The following PNKD variants were observed in gnomAD, a reference collection of about 807,000 sequenced individuals.
The protein encoded by PNKD is PNKD metallo-beta-lactamase domain containing.
In PNKD, 36 loss-of-function variants were observed where a neutral mutation model predicts 45.3. That is an observed-to-expected ratio of 0.80 (90% CI 0.61 to 1.05). The LOEUF (loss-of-function observed/expected upper bound fraction) is 1.05, where lower values mean the gene tolerates loss of function less well. PNKD is among the 50% of genes least tolerant of loss of function. The probability of loss-of-function intolerance (pLI) is 0.00; values close to 1 mark genes in which losing one functional copy is unlikely to be tolerated. For synonymous variants in PNKD, 197 were observed against 210.1 expected, an observed-to-expected ratio of 0.94 and a Z score of 0.54; for missense variants, 511 against 506.6, an observed-to-expected ratio of 1.01 and a Z score of -0.08.
intron 2 of PNKD, chr2:218,277,718 G>C: frequency 6.2e-7 from 1 of 1,612,406 alleles, no homozygotes; most frequent in Non-Finnish European, 8.5e-7. Context: ...AAGGAAGGAA[G>C]GCAGGGTGCT....
At chr2:218,272,447 T>C (rs531086907) in intron 2 of PNKD, 94 of 880,324 alleles carry the variant, frequency 1.1e-4, no homozygotes, top group Non-Finnish European at 9.2e-5. Context: ...GCACAGAGGA[T>C]GAATAGACTA....
intron 1 of PNKD, 35 bp from the exon 2 acceptor site, chr2:218,271,346 C>T (rs763352718): frequency 1.2e-6 from 2 of 1,604,742 alleles, no homozygotes; most frequent in Non-Finnish European, 1.7e-6. Flanking sequence ...TTCTTCTCAT[C>T]TCTTCTTACT....
chr2:218,277,052 C>G (rs1371552477), intron 2 of PNKD: 1 of 1,614,184 alleles, frequency 6.2e-7, no homozygotes, highest in Non-Finnish European at 8.5e-7. Context: ...TCACCAGGAG[C>G]ACAATTCCCA....
intron 5 of PNKD, among the ~76,000 whole-genome samples, chr2:218,341,056 G>A (rs1411733617): frequency 6.6e-6 from 1 of 152,226 alleles, no homozygotes; most frequent in Non-Finnish European, 1.5e-5. Context: ...TGCACACTGG[G>A]CATGGACAAA....
At chr2:218,318,569 G>A (rs1268186163) in intron 2 of PNKD, among the ~76,000 whole-genome samples, 1 of 152,220 alleles carries the variant, frequency 6.6e-6, no homozygotes, top group African/African-American at 2.4e-5. Context: ...CAGTCACAGT[G>A]CTTGGTGGCA....
rs1015329863 is a variant in PNKD, at chr2:218,289,290, C to G, written c.236+17741C>G. On this transcript the variant is annotated intron_variant, in intron 2 of 9. Coordinates refer to ENST00000273077, the MANE Select transcript of PNKD (RefSeq NM_015488.5). Reference sequence around the variant, plus strand: ...TCTTGTCCTGGCTTTGGGACTCACTCCACTGTGAGAGCCACATCTCTAGAC... The same window carrying G: ...TCTTGTCCTGGCTTTGGGACTCACTGCACTGTGAGAGCCACATCTCTAGAC... 6.6e-5 allele frequency among the ~76,000 whole-genome samples: 10 copies of G among 152,312 alleles called. No individual in the cohort carries two copies. The South Asian group carries it at 1.2e-3, about 19-fold the overall frequency.
chr2:218,334,249 A>G (rs1240846052), intron 2 of PNKD, among the ~76,000 whole-genome samples: 1 of 152,118 alleles, frequency 6.6e-6, no homozygotes, highest in Non-Finnish European at 1.5e-5. Flanking sequence ...ATCAAAACCA[A>G]GAAATTAACA....
Position 218,307,329 on chromosome 2 carries a change from A to ATT in PNKD, c.237-32454_237-32453insTT, listed in dbSNP as rs1167990440. On this transcript the variant is annotated intron_variant, in intron 2 of 9. Coordinates refer to ENST00000273077, the MANE Select transcript of PNKD (RefSeq NM_015488.5). Reference sequence around the variant, plus strand: ...TTATTATTACATTGTAATATATAATAAAATAATCATACAACTCACCATAAG... The same window carrying ATT: ...TTATTATTACATTGTAATATATAATATTAAATAATCATACAACTCACCATAAG... 7.4e-4 allele frequency among the ~76,000 whole-genome samples: 113 copies of ATT among 152,346 alleles called. 2 individuals are homozygous for ATT. In the East Asian group the frequency reaches 0.014, roughly 19 times the overall value.
intron 2 of PNKD, chr2:218,272,869 G>C: frequency 1.3e-6 from 2 of 1,599,556 alleles, no homozygotes; most frequent in Non-Finnish European, 1.7e-6. Context: ...AGCCCAGGCT[G>C]TTGCCAAACC....
intron 7 of PNKD, among the ~76,000 whole-genome samples, chr2:218,343,244 C>G (rs527814697): frequency 9.9e-5 from 15 of 152,272 alleles, no homozygotes; most frequent in Non-Finnish European, 1.8e-4. Context: ...GCCTGCAGCC[C>G]GAAGATTCCA....
chr2:218,283,011 G>A (rs1015871867), intron 2 of PNKD, among the ~76,000 whole-genome samples: 5 of 152,182 alleles, frequency 3.3e-5, no homozygotes, highest in Non-Finnish European at 5.9e-5. Context: ...CCCCCACCCT[G>A]GAGGGGGAGA....
At chr2:218,293,927 TAAAA>T (rs56100300) in intron 2 of PNKD, among the ~76,000 whole-genome samples, 92 of 118,864 alleles carry the variant, frequency 7.7e-4, no homozygotes, top group African/African-American at 2.6e-3. Flanking sequence ...AACAGAGATT[TAAAA>T]AAAAAAAAAA....
At chr2:218,291,465 G>A (rs1692922421) in intron 2 of PNKD, among the ~76,000 whole-genome samples, 1 of 152,178 alleles carries the variant, frequency 6.6e-6, no homozygotes, top group South Asian at 2.1e-4. Context: ...TCAGAGCCCA[G>A]AGAACTGGAC....
In PNKD at chr2:218,340,525, C is replaced by G. The variant is rs558184037; in HGVS notation, c.466-203C>G. On this transcript the variant is annotated intron_variant, in intron 4 of 9. Transcript: ENST00000273077. This position sits in a 1 kb window ranked among gnomAD's most constrained non-coding sequence, Gnocchi z 4.2. ...TCCTTATCTCTCTGTGTCTGCCTCT[C>G]TCTATGTACAAGTGTCCCTCTGCCT... 9.9e-5 allele frequency among the ~76,000 whole-genome samples: 15 copies of G among 152,184 alleles called. No individual in the cohort carries two copies. Among genetic ancestry groups the G allele is most frequent in the Admixed American group, 7.2e-4 (11 of 15,284 alleles).
intron 8 of PNKD, 29 bp downstream of exon 8, chr2:218,343,615 C>G (rs1694745073): frequency 6.5e-7 from 1 of 1,544,524 alleles, no homozygotes; most frequent in Non-Finnish European, 8.9e-7. Flanking sequence ...ACTCCCCATC[C>G]TCCAGCCCCA....
chr2:218,338,892 A>G (rs371122174), intron 2 of PNKD, among the ~76,000 whole-genome samples: 66 of 150,248 alleles, frequency 4.4e-4, no homozygotes, highest in African/African-American at 1.6e-3. Flanking sequence ...TCCCGGGCTC[A>G]AGCAATCCTC....
In PNKD at chr2:218,345,064, A is replaced by G. The variant is rs1197210216; in HGVS notation, c.*83A>G. ...CACCTCATCATCCTTCTCATCGCTA[A>G]CACCACCACCTCCATCGGCACCCAA... On this transcript the variant is annotated 3_prime_UTR_variant, in exon 10 of 10. Coordinates refer to ENST00000273077, the MANE Select transcript of PNKD (RefSeq NM_015488.5). The G allele has an allele frequency of 1.9e-6, 2 of 1,073,884 alleles. No homozygotes were observed. The highest frequency in any genetic ancestry group is 2.7e-6 in the Non-Finnish European group (2 of 731,222). 66.5% of individuals were successfully genotyped at this position (1,073,884 alleles called of 1,614,324 possible).
chr2:218,307,854 A>G (rs1693465719), intron 2 of PNKD, among the ~76,000 whole-genome samples: 1 of 152,120 alleles, frequency 6.6e-6, no homozygotes, highest in South Asian at 2.1e-4. Context: ...GGAAAAAGGC[A>G]TGCTCCATTG....
intron 2 of PNKD, among the ~76,000 whole-genome samples, chr2:218,320,726 C>T (rs116645260): frequency 0.017 from 2,524 of 152,282 alleles, 80 homozygotes; most frequent in African/African-American, 0.056. Context: ...TGGCACTCCA[C>T]GCAGAAGGCA....
Sources: allele counts gnomAD v4.1 joint callset (sites outside exome capture counted in the v4.1 genomes callset), GRCh38; gene constraint gnomAD v4.1.1; non-coding constraint Gnocchi (gnomAD v3.1); transcripts MANE v1.5; gene names NCBI Gene and HGNC (gene_info 2026-07-23, HGNC 2026-07-21).